MACROD1: variants seen among roughly 807,000 people sequenced by gnomAD.
MACROD1 encodes ADP-ribose glycohydrolase MACROD1.
A neutral mutation model predicts 41.4 loss-of-function variants in MACROD1; 31 were observed. That is an observed-to-expected ratio of 0.75 (90% CI 0.56 to 1.01). The LOEUF is 1.01. Among genes scored for constraint, MACROD1 ranks in the 50% least tolerant of loss-of-function variants. The probability of loss-of-function intolerance (pLI) is 0.00; values close to 1 mark genes in which losing one functional copy is unlikely to be tolerated. For missense variants in MACROD1, 473 were observed against 460.0 expected (o/e 1.03, Z -0.26); for synonymous variants, 252 against 203.4 (o/e 1.24, Z -2.03).
At chr11:64,125,569 G>T (rs1028965237) in intron 3 of MACROD1, among the ~76,000 whole-genome samples, 1 of 152,202 alleles carries the variant, frequency 6.6e-6, no homozygotes, top group Non-Finnish European at 1.5e-5. Flanking sequence ...CTCCTGCCCC[G>T]CCAGCAGCTG....
At chr11:64,047,386 A>T (rs779850065) in intron 3 of MACROD1, among the ~76,000 whole-genome samples, 1 of 152,204 alleles carries the variant, frequency 6.6e-6, no homozygotes, top group Non-Finnish European at 1.5e-5. Flanking sequence ...AAGGTCACCC[A>T]GCAATCGGAG....
In MACROD1 at chr11:64,064,284, C is replaced by T. The variant is rs777622778; in HGVS notation, c.518-49003G>A. On this transcript the variant is annotated intron_variant, in intron 3 of 10. Transcript: ENST00000255681. This position sits in a 1 kb window ranked among gnomAD's most constrained non-coding sequence, Gnocchi z 4.5. ...CAACCAAGCCACACCGTAGTCTCCA[C>T]GTGCAGCCCTGTTCAGGCGGCGGGT... 9.2e-5 allele frequency among the ~76,000 whole-genome samples: 14 copies of T among 152,222 alleles called. No homozygotes were observed. The highest frequency in any genetic ancestry group is 1.8e-4 in the Non-Finnish European group (12 of 68,046).
At chr11:64,125,603 C>G (rs528889513) in intron 3 of MACROD1, among the ~76,000 whole-genome samples, 53 of 152,356 alleles carry the variant, frequency 3.5e-4, no homozygotes, top group African/African-American at 1.1e-3. Flanking sequence ...CTCATCTCAG[C>G]AGCTTTACCT....
chr11:64,095,616 G>A (rs1269302853), intron 3 of MACROD1, among the ~76,000 whole-genome samples: 6 of 152,166 alleles, frequency 3.9e-5, no homozygotes, highest in Admixed American at 6.5e-5. Context: ...AAGGAAAGGC[G>A]GCTTCCCCCA....
chr11:64,086,916 G>C (rs1944406222), intron 3 of MACROD1: 1 of 152,214 alleles, frequency 6.6e-6, no homozygotes, highest in African/African-American at 2.4e-5. Context: ...CCTGGCAGGA[G>C]CTGTCACTGC....
At chr11:64,116,517 A>G in intron 3 of MACROD1, 1 of 1,613,732 alleles carries the variant, frequency 6.2e-7, no homozygotes. Flanking sequence ...TGATGATGCC[A>G]CCACCCTCTA....
At chr11:64,071,518 T>A (rs927456008) in intron 3 of MACROD1, among the ~76,000 whole-genome samples, 3 of 152,138 alleles carry the variant, frequency 2.0e-5, no homozygotes, top group Non-Finnish European at 4.4e-5. Context: ...GGAGTCACCC[T>A]GGGGCCCATC....
intron 1 of MACROD1, among the ~76,000 whole-genome samples, chr11:64,159,959 A>C (rs977870640): frequency 2.0e-5 from 3 of 152,192 alleles, no homozygotes; most frequent in Non-Finnish European, 4.4e-5. Context: ...GGGCCCATGG[A>C]AATGAGCGTC....
Position 63,999,819 on chromosome 11 carries a change from C to T in MACROD1, c.665-56G>A, listed in dbSNP as rs1942788432. On this transcript the variant is annotated intron_variant, in intron 5 of 10. Coordinates refer to ENST00000255681, the MANE Select transcript of MACROD1 (RefSeq NM_014067.4). ...GGGTCTACGCGGTCCTCAGCTCCCT[C>T]GCTTCCCCCTGCCGGCCTGGGCAGA... is the stretch of plus-strand genomic sequence containing the variant. 9 of 1,558,438 alleles carry T rather than the reference C, an allele frequency of 5.8e-6. 1 individual carries two copies. Among genetic ancestry groups the T allele is most frequent in the Admixed American group, 5.3e-5 (3 of 56,776 alleles).
intron 3 of MACROD1, among the ~76,000 whole-genome samples, chr11:64,058,424 A>G (rs967266303): frequency 4.6e-5 from 7 of 152,202 alleles, no homozygotes; most frequent in African/African-American, 1.7e-4. Flanking sequence ...CCTCCCCTGT[A>G]TGCCAGGCCT....
At chr11:64,034,807 G>A (rs747981473) in intron 3 of MACROD1, among the ~76,000 whole-genome samples, 1 of 152,224 alleles carries the variant, frequency 6.6e-6, no homozygotes, top group Non-Finnish European at 1.5e-5. Context: ...GGGCCCTGGT[G>A]GGGGCTCTGG....
intron 3 of MACROD1, among the ~76,000 whole-genome samples, chr11:64,130,485 G>A (rs1945249807): frequency 6.6e-6 from 1 of 152,058 alleles, no homozygotes. Flanking sequence ...ACCTGAAGAA[G>A]AGGCGTCGGA....
chr11:64,075,265 G>A (rs1334456431), intron 3 of MACROD1, among the ~76,000 whole-genome samples: 1 of 152,240 alleles, frequency 6.6e-6, no homozygotes, highest in African/African-American at 2.4e-5. Context: ...AGATAGGCTG[G>A]GACCTGCCTG....
intron 3 of MACROD1, among the ~76,000 whole-genome samples, chr11:64,112,715 T>C (rs1944884532): frequency 6.6e-6 from 1 of 152,092 alleles, no homozygotes; most frequent in East Asian, 1.9e-4. Context: ...GCACAGCACT[T>C]GCAAGGGCCC....
At chr11:64,126,562 G>C (rs1945184742) in intron 3 of MACROD1, among the ~76,000 whole-genome samples, 1 of 152,106 alleles carries the variant, frequency 6.6e-6, no homozygotes, top group Non-Finnish European at 1.5e-5. Flanking sequence ...ATGTTAACAG[G>C]TTATTTGTAT....
chr11:64,149,128 T>G, intron 3 of MACROD1: 1 of 576,106 alleles, frequency 1.7e-6, no homozygotes, highest in Non-Finnish European at 2.2e-6. Flanking sequence ...TTGCAGGAGG[T>G]ACCATGTCCC....
At chr11:64,025,111 T>G (rs1046632491) in intron 3 of MACROD1, among the ~76,000 whole-genome samples, 4 of 152,138 alleles carry the variant, frequency 2.6e-5, no homozygotes, top group African/African-American at 9.7e-5. Context: ...CCTGAGTAGC[T>G]GGGACTACAG....
rs183897166 is a variant in MACROD1 at position 64,040,397 on chromosome 11, C to A, written c.518-25116G>T. 2.3e-3 allele frequency among the ~76,000 whole-genome samples: 347 copies of A among 152,254 alleles called. 2 individuals carry two copies. Among genetic ancestry groups the A allele is most frequent in the Non-Finnish European group, 4.0e-3 (274 of 68,016 alleles). On this transcript the variant is annotated intron_variant, in intron 3 of 10. Coordinates refer to ENST00000255681, the MANE Select transcript of MACROD1 (RefSeq NM_014067.4). ...GAGAGGGCTGCATGGAGACCCCCGG[C>A]AGGAGGGCAGAGGGGCTCAAGGCAC...
At chr11:64,148,118 C>G (rs993745228) in intron 3 of MACROD1, among the ~76,000 whole-genome samples, 16 of 152,008 alleles carry the variant, frequency 1.1e-4, no homozygotes, top group African/African-American at 2.4e-4. Flanking sequence ...GGGGGGCGGG[C>G]AGGGGGACAC....
Sources: gnomAD v4.1 joint callset for allele counts (sites outside exome capture counted in the v4.1 genomes callset) on GRCh38, gnomAD v4.1.1 for gene constraint, Gnocchi (gnomAD v3.1) non-coding constraint, MANE v1.5 for transcripts, NCBI Gene and HGNC (gene_info 2026-07-23, HGNC 2026-07-21) for gene names.